Variants in SFI1 observed in about 807,000 individuals in gnomAD.
SFI1 encodes SFI1 centrin binding protein.
SFI1 carries 195 observed loss-of-function variants against 207.5 expected under a neutral mutation model. The observed-to-expected ratio is 0.94, with a 90% confidence interval of 0.84 to 1.06. The LOEUF (loss-of-function observed/expected upper bound fraction) is 1.06. SFI1 is among the 50% of genes least tolerant of loss of function. The pLI is 0.00. For missense variants in SFI1, 1,634 were observed against 1,588.0 expected (o/e 1.03, Z -0.49); for synonymous variants, 630 against 598.9 (o/e 1.05, Z -0.76).
chr22:31,525,088 C>T (rs2057752981), intron 2 of SFI1, among the ~76,000 whole-genome samples: 1 of 152,140 alleles, frequency 6.6e-6, no homozygotes, highest in Non-Finnish European at 1.5e-5. Context: ...GCCACCACGC[C>T]CAGCCTGTAA....
rs371195366 is a variant in SFI1, at chr22:31,614,824, G to A, written c.3032G>A (p.Arg1011His). 13 of 1,613,770 alleles carry A rather than the reference G, an allele frequency of 8.1e-6. No homozygotes were observed. Among genetic ancestry groups the A allele is most frequent in the African/African-American group, 4.0e-5 (3 of 74,928 alleles). Residue 1011 changes from arginine to histidine, a missense_variant, in exon 28 of 33, where the codon CGC becomes CAC. Coordinates refer to ENST00000400288, the MANE Select transcript of SFI1 (RefSeq NM_001007467.3). ...TAHSARKQPR[R>H]PHFLLEPAQS... Reference sequence around the variant, plus strand: ...CACTCAGCGAGGAAGCAGCCGCGACGCCCACACTTCCTGTTGGAGCCTGCG... The same window carrying A: ...CACTCAGCGAGGAAGCAGCCGCGACACCCACACTTCCTGTTGGAGCCTGCG...
chr22:31,613,354 G>C lies in SFI1; in HGVS notation c.2566G>C (p.Val856Leu), dbSNP rs772676708. Residue 856 changes from valine (V) to leucine (L), a missense_variant and splice_region_variant, in exon 26 of 33, where the codon GTG becomes CTG. Val to Leu is a conservative substitution (Grantham distance 32). Coordinates refer to ENST00000400288, the MANE Select transcript of SFI1 (RefSeq NM_001007467.3). ...GCCTCACCTCCTGCCCTCCCTGGAG[G>C]TGTGGGCCACGTGGCTGGCCTTTGT... ...WFWAFSLQAK[V>L]WATWLAFVLE... 1.2e-6 allele frequency: 2 copies of C among 1,607,894 alleles called. No homozygotes were observed. Among genetic ancestry groups the C allele is most frequent in the East Asian group, 2.2e-5 (1 of 44,708 alleles).
chr22:31,512,080 G>T lies in SFI1; in HGVS notation c.92+3704G>T, dbSNP rs568358681. Among the ~76,000 whole-genome samples, 9 of 152,222 alleles carry T rather than the reference G, an allele frequency of 5.9e-5. No homozygotes were observed. In the East Asian group the frequency reaches 1.7e-3, roughly 29 times the overall value. On this transcript the variant is annotated intron_variant, in intron 2 of 32. Transcript: ENST00000400288. ...GTTATTGGCCGGCGCAGTGGCTCAC[G>T]CCTGTAATCCCAGCACTGTAATCCC...
intron 2 of SFI1, among the ~76,000 whole-genome samples, chr22:31,522,542 T>C (rs1423296557): frequency 6.6e-6 from 1 of 152,216 alleles, no homozygotes; most frequent in Admixed American, 6.5e-5. Flanking sequence ...TTTCTGTTTC[T>C]AAGAATTTGC....
At chr22:31,555,834 G>A (rs993237844) in intron 6 of SFI1, among the ~76,000 whole-genome samples, 2 of 152,132 alleles carry the variant, frequency 1.3e-5, no homozygotes, top group African/African-American at 4.8e-5. Context: ...TGAAACCAAG[G>A]AAGATACATG....
At chr22:31,519,650 C>T (rs759821883) in intron 2 of SFI1, among the ~76,000 whole-genome samples, 2 of 151,986 alleles carry the variant, frequency 1.3e-5, no homozygotes, top group Non-Finnish European at 2.9e-5. Flanking sequence ...GTTGGCCAGG[C>T]TGGTCTCCAA....
In SFI1 at chr22:31,616,738, T is replaced by C; in HGVS notation, c.3301-7T>C. ...TTGCTCAGCATCTACCCTTCTTTCCTTTGCAGGTGTCAGCACAGCGGGCTA... is the reference window on the plus strand; with the variant it reads ...TTGCTCAGCATCTACCCTTCTTTCCCTTGCAGGTGTCAGCACAGCGGGCTA... On this transcript the variant is annotated splice_region_variant and splice_polypyrimidine_tract_variant and intron_variant, in intron 29 of 32. Transcript: ENST00000400288. 6.5e-7 allele frequency: 1 copy of C among 1,533,480 alleles called. No homozygotes were observed. The highest frequency in any genetic ancestry group is 1.3e-5 in the South Asian group (1 of 77,118). 95.0% of individuals were successfully genotyped at this position (1,533,480 alleles called of 1,614,324 possible). A position where few individuals can be genotyped will look rare whatever the true frequency, so the allele number is the denominator to read the frequency against.
intron 15 of SFI1, among the ~76,000 whole-genome samples, chr22:31,596,069 A>G (rs2067058180): frequency 6.6e-6 from 1 of 152,100 alleles, no homozygotes; most frequent in Non-Finnish European, 1.5e-5. Context: ...CCTGGCCAAC[A>G]TGGTGAAACC....
chr22:31,614,633 C>A, intron 27 of SFI1, 156 bp from the exon 28 acceptor site: 1 of 787,844 alleles, frequency 1.3e-6, no homozygotes, highest in Non-Finnish European at 2.2e-6. Context: ...CTGCTGGGAG[C>A]TCTATGGCCC....
chr22:31,511,778 G>A (rs545996296), intron 2 of SFI1, among the ~76,000 whole-genome samples: 26 of 151,974 alleles, frequency 1.7e-4, no homozygotes, highest in African/African-American at 5.1e-4. Context: ...TTAATCTCCC[G>A]AGTAACTGGG....
At chr22:31,562,054 C>T (rs1371443583) in intron 8 of SFI1, among the ~76,000 whole-genome samples, 1 of 152,132 alleles carries the variant, frequency 6.6e-6, no homozygotes, top group Admixed American at 6.6e-5. Flanking sequence ...CATGTGAATA[C>T]GTGCAGATCA....
intron 1 of SFI1, among the ~76,000 whole-genome samples, chr22:31,497,604 C>T (rs2052919780): frequency 6.6e-6 from 1 of 152,098 alleles, no homozygotes; most frequent in Non-Finnish European, 1.5e-5. Flanking sequence ...CCCACAGTGG[C>T]CCCTAAGTGT....
In SFI1 at chr22:31,562,926, C is replaced by G. The variant is rs557338178; in HGVS notation, c.765+1534C>G. 5.9e-5 allele frequency among the ~76,000 whole-genome samples: 9 copies of G among 151,440 alleles called. No individual in the cohort carries two copies. The East Asian group carries it at 7.8e-4, about 13-fold the overall frequency. On this transcript the variant is annotated intron_variant, in intron 8 of 32. Coordinates refer to ENST00000400288, the MANE Select transcript of SFI1 (RefSeq NM_001007467.3). The stretch of plus-strand genomic sequence containing the variant: ...GTATTACAGGCGTGAGCCACCACAT[C>G]CGGCCGCTTGGAGCCAGGTTTTAAC...
At chr22:31,582,236 ATTTTTTTTTTTTTTTT>A (rs1161846940) in intron 12 of SFI1, among the ~76,000 whole-genome samples, 8 of 10,138 alleles carry the variant, frequency 7.9e-4, no homozygotes, top group Admixed American at 1.8e-3. Context: ...ATATATATAT[ATTTTTTTTTTTTTTTT>A]TTTTTTTTTT....
chr22:31,552,110 T>G (rs2060676962), intron 6 of SFI1, among the ~76,000 whole-genome samples: 1 of 152,190 alleles, frequency 6.6e-6, no homozygotes, highest in Non-Finnish European at 1.5e-5. Context: ...AGCTCCCGCT[T>G]ATAAGTGAGA....
chr22:31,589,626 ACT>A (rs774110602), intron 15 of SFI1, 49 bp downstream of exon 15: 3 of 1,566,000 alleles, frequency 1.9e-6, no homozygotes, highest in African/African-American at 2.7e-5. Flanking sequence ...TTCAAATCTA[ACT>A]CTGACAACCA....
chr22:31,540,512 C>G (rs977732704), intron 4 of SFI1, among the ~76,000 whole-genome samples: 1 of 151,578 alleles, frequency 6.6e-6, no homozygotes, highest in African/African-American at 2.4e-5. Flanking sequence ...GAACTCCTGA[C>G]CTTGTGATCC....
At chr22:31,500,390 CAA>C (rs1342465444) in intron 1 of SFI1, among the ~76,000 whole-genome samples, 1 of 152,010 alleles carries the variant, frequency 6.6e-6, no homozygotes, top group African/African-American at 2.4e-5. Flanking sequence ...CCTCTACTGG[CAA>C]AAATATTACA....
Position 31,613,215 on chromosome 22 carries a change from A to T in SFI1, c.2564A>T (p.Lys855Met), listed in dbSNP as rs1461087184. The T allele has an allele frequency of 6.2e-7, 1 of 1,613,710 alleles. No individual in the cohort carries two copies. Among genetic ancestry groups the T allele is most frequent in the South Asian group, 1.1e-5 (1 of 91,080 alleles). ...LWFWAFSLQAKVWATWLAFVL... is the reference protein window; with the variant it reads ...LWFWAFSLQAMVWATWLAFVL... ...TTCTGGGCCTTCTCGCTGCAGGCAA[A>T]GGTAATTGGGGCTCTGCATCCTACC... The change falls in exon 25 of 33, where the codon AAG (lysine) becomes ATG (methionine). Residue 855 changes from lysine to methionine, a missense_variant and splice_region_variant. By Grantham distance (95) the Lys-to-Met change is moderately conservative (BLOSUM62 -1). Coordinates refer to ENST00000400288, the MANE Select transcript of SFI1 (RefSeq NM_001007467.3).
Sources: gnomAD v4.1 joint callset for allele counts (sites outside exome capture counted in the v4.1 genomes callset) on GRCh38, gnomAD v4.1.1 for gene constraint, MANE v1.5 for transcripts, NCBI Gene and HGNC (gene_info 2026-07-23, HGNC 2026-07-21) for gene names.